The following YIPF7 variants were observed in gnomAD, a reference collection of about 807,000 sequenced individuals.
The protein encoded by YIPF7 is protein YIPF7.
YIPF7 carries 35 observed loss-of-function variants against 27.2 expected under a neutral mutation model. The ratio of observed to expected loss-of-function variants is 1.29; its 90% CI spans 0.98 to 1.70. The LOEUF (loss-of-function observed/expected upper bound fraction) is 1.70. Ranked by LOEUF, YIPF7 falls within the 40% of genes most tolerant of loss-of-function variation. The pLI is 0.00. For missense variants in YIPF7, 358 were observed against 303.7 expected, an observed-to-expected ratio of 1.18 and a Z score of -1.33; for synonymous variants, 137 against 110.4, an observed-to-expected ratio of 1.24 and a Z score of -1.51.
At chr4:44,634,054 T>C (rs377749248) in intron 3 of YIPF7, among the ~76,000 whole-genome samples, 13 of 152,262 alleles carry the variant, frequency 8.5e-5, no homozygotes, top group African/African-American at 3.1e-4. Flanking sequence ...GGGTACATCC[T>C]AAGGACAGAC....
chr4:44,640,962 T>C (rs914350242), intron 2 of YIPF7, among the ~76,000 whole-genome samples: 1 of 152,006 alleles, frequency 6.6e-6, no homozygotes, highest in African/African-American at 2.4e-5. Context: ...AGAAAGAGCA[T>C]GGAACCCAAG....
chr4:44,648,495 C>G (rs1265207529), intron 2 of YIPF7, among the ~76,000 whole-genome samples: 5 of 151,988 alleles, frequency 3.3e-5, no homozygotes, highest in Non-Finnish European at 5.9e-5. Flanking sequence ...TATATAATTT[C>G]AGAACAGTTC....
At chr4:44,650,316 G>A (rs570604126) in intron 1 of YIPF7, among the ~76,000 whole-genome samples, 1 of 152,250 alleles carries the variant, frequency 6.6e-6, no homozygotes, top group Admixed American at 6.5e-5. Flanking sequence ...TACTTTTTCT[G>A]AAGTTTTCGC....
At chr4:44,655,426 C>A (rs1713860735), upstream of YIPF7, among the ~76,000 whole-genome samples, 1 of 151,846 alleles carries the variant, frequency 6.6e-6, no homozygotes, top group African/African-American at 2.4e-5. Flanking sequence ...TCTGTTTCTT[C>A]AAAAATATTA....
In YIPF7 at chr4:44,651,501, G is replaced by A. The variant is rs7340775; in HGVS notation, c.-2+53C>T. 7,454 of 1,300,008 alleles carry A rather than the reference G, an allele frequency of 5.7e-3. 340 individuals carry two copies. In the African/African-American group the frequency reaches 0.1, roughly 17 times the overall value. The allele number at this position is 1,300,008 out of a possible 1,614,324, so 80.5% of individuals were successfully genotyped here. ...TTGGTACTACAGTCCTTACATAACC[G>A]AGCTTTGTATTTTGTTTAAATGCCA... On this transcript the variant is annotated intron_variant, in intron 1 of 5. Coordinates refer to ENST00000415895, the MANE Select transcript of YIPF7 (RefSeq NM_182592.3).
chr4:44,631,367 G>C (rs150388242), intron 3 of YIPF7, among the ~76,000 whole-genome samples: 1 of 152,110 alleles, frequency 6.6e-6, no homozygotes, highest in Non-Finnish European at 1.5e-5. Context: ...GTCAGATACA[G>C]GGGTATAGCT....
intron 2 of YIPF7, chr4:44,660,327 C>G (rs1208900631): frequency 6.6e-6 from 1 of 151,940 alleles, no homozygotes; most frequent in Non-Finnish European, 1.5e-5. Flanking sequence ...ACTTGCTTGA[C>G]CAATAAAATG....
chr4:44,624,651 G>A lies in YIPF7; in HGVS notation c.558C>T (p.Cys186=), dbSNP rs186215680. 7 of 1,602,694 alleles carry A rather than the reference G, an allele frequency of 4.4e-6. No individual in the cohort carries two copies. The highest frequency in any genetic ancestry group is 1.1e-5 in the South Asian group (1 of 88,412). ...YGCVASVLGY[C]LLPMVILSGC... is the part of the protein sequence containing the mutation. ...CAGACAGGATGACCATGGGGAGCAGGCAGTAACCCAGCACGCTGGCCACAC... is the reference window on the plus strand; with the variant it reads ...CAGACAGGATGACCATGGGGAGCAGACAGTAACCCAGCACGCTGGCCACAC... Residue 186 remains cysteine, a synonymous_variant, in exon 5 of 6, where the codon TGC becomes TGT. Transcript: ENST00000415895.
rs554436483 is a variant in YIPF7 at position 44,624,728 on chromosome 4, C to A, written c.481G>T (p.Val161Leu). Reference sequence around the variant, plus strand: ...ATCAGGTTCAGCAAGGCATGAATCACAAGGCAGCCAATGGCACTCATGCCA... The same window carrying A: ...ATCAGGTTCAGCAAGGCATGAATCAAAAGGCAGCCAATGGCACTCATGCCA... ...VYGMSAIGCL[V>L]IHALLNLMSS... The change falls in exon 5 of 6, where the codon GTG (valine) becomes TTG (leucine). Residue 161 changes from valine to leucine, a missense_variant. By Grantham distance (32) the Val-to-Leu change is conservative. Transcript: ENST00000415895. 256 of 1,611,706 alleles carry A rather than the reference C, an allele frequency of 1.6e-4. 2 individuals carry two copies. The South Asian group carries it at 2.6e-3, about 17-fold the overall frequency.
At chr4:44,645,687 C>T (rs1713503200) in intron 2 of YIPF7, among the ~76,000 whole-genome samples, 1 of 151,928 alleles carries the variant, frequency 6.6e-6, no homozygotes. Flanking sequence ...TGAATTAGAT[C>T]AAAAGAAACA....
intron 2 of YIPF7, among the ~76,000 whole-genome samples, chr4:44,648,462 A>T (rs926112724): frequency 6.6e-6 from 1 of 152,140 alleles, no homozygotes; most frequent in Non-Finnish European, 1.5e-5. Context: ...AATGTATATA[A>T]TTGAGGATCC....
chr4:44,645,391 G>T (rs1407483844), intron 2 of YIPF7, among the ~76,000 whole-genome samples: 1 of 152,126 alleles, frequency 6.6e-6, no homozygotes, highest in Non-Finnish European at 1.5e-5. Context: ...AAGTCTCTGA[G>T]ATAATGGATC....
intron 1 of YIPF7, among the ~76,000 whole-genome samples, chr4:44,650,500 C>T (rs933581115): frequency 1.0e-4 from 7 of 69,360 alleles, no homozygotes; most frequent in South Asian, 1.1e-3. Flanking sequence ...CACATGCGCG[C>T]GCGCGCGCAC....
chr4:44,646,749 G>C (rs1193114134), intron 2 of YIPF7, among the ~76,000 whole-genome samples: 1 of 152,032 alleles, frequency 6.6e-6, no homozygotes, highest in Non-Finnish European at 1.5e-5. Context: ...ATACACCATT[G>C]AGCCAAACAG....
intron 3 of YIPF7, among the ~76,000 whole-genome samples, chr4:44,635,006 T>C (rs1713059353): frequency 6.6e-6 from 1 of 152,192 alleles, no homozygotes; most frequent in Non-Finnish European, 1.5e-5. Context: ...TTTAAATCTT[T>C]CATGTTTTTA....
chr4:44,645,457 A>G (rs1227534840), intron 2 of YIPF7, among the ~76,000 whole-genome samples: 1 of 152,212 alleles, frequency 6.6e-6, no homozygotes, highest in Non-Finnish European at 1.5e-5. Context: ...TTAACCTAGT[A>G]GAGGTAATGT....
intron 2 of YIPF7, among the ~76,000 whole-genome samples, chr4:44,658,645 A>G (rs78183004): frequency 0.028 from 4,205 of 152,292 alleles, 184 homozygotes; most frequent in African/African-American, 0.097. Flanking sequence ...AGAGAAAACA[A>G]CGGTAGACTA....
intron 2 of YIPF7, among the ~76,000 whole-genome samples, chr4:44,643,326 C>A (rs1425093752): frequency 6.6e-6 from 1 of 152,146 alleles, no homozygotes; most frequent in East Asian, 1.9e-4. Flanking sequence ...GAAGAAATTT[C>A]TAAGCAGTAA....
rs146769104 is a variant in YIPF7, at chr4:44,645,717, A to T, written c.116+4268T>A. The stretch of plus-strand genomic sequence containing the variant: ...GAAACATTGAACTCTGGCTCATTGA[A>T]TTTAAACTTTAGCTTTGTTAGTAAA... On this transcript the variant is annotated intron_variant, in intron 2 of 5. Coordinates refer to ENST00000415895, the MANE Select transcript of YIPF7 (RefSeq NM_182592.3). 2.9e-3 allele frequency among the ~76,000 whole-genome samples: 449 copies of T among 152,322 alleles called. 1 individual carries two copies. Among genetic ancestry groups the T allele is most frequent in the Non-Finnish European group, 4.8e-3 (325 of 68,016 alleles).
Sources: allele counts gnomAD v4.1 joint callset (sites outside exome capture counted in the v4.1 genomes callset), GRCh38; gene constraint gnomAD v4.1.1; transcripts MANE v1.5; gene names NCBI Gene and HGNC (gene_info 2026-07-23, HGNC 2026-07-21).